HDAC9: variants seen among roughly 807,000 people sequenced by gnomAD.
HDAC9 encodes MEF-2 interacting transcription repressor (MITR) protein.
In HDAC9, 41 loss-of-function variants were observed where a neutral mutation model predicts 139.4. The ratio of observed to expected loss-of-function variants is 0.29; its 90% CI spans 0.23 to 0.38. The LOEUF is 0.38. Ranked by LOEUF, HDAC9 falls within the 10% of genes least tolerant of loss-of-function variation. The pLI is 1.00. For synonymous variants in HDAC9, 517 were observed against 476.2 expected, an observed-to-expected ratio of 1.09 and a Z score of -1.12; for missense variants, 1,147 against 1,297.0, an observed-to-expected ratio of 0.88 and a Z score of 1.78.
chr7:18,620,556 C>T (rs1202171368), intron 6 of HDAC9, among the ~76,000 whole-genome samples: 2 of 147,860 alleles, frequency 1.4e-5, no homozygotes, highest in African/African-American at 5.0e-5. Flanking sequence ...GAAAAAATAG[C>T]AAATTTGTAC....
intron 25 of HDAC9, among the ~76,000 whole-genome samples, chr7:18,986,596 A>T (rs1785377008): frequency 6.7e-6 from 1 of 149,224 alleles, no homozygotes; most frequent in Non-Finnish European, 1.5e-5. Context: ...ATTTTTTTCC[A>T]ATTCTGTGAA....
chr7:18,483,252 A>T (rs1434109542), intron 1 of HDAC9, among the ~76,000 whole-genome samples: 1 of 152,232 alleles, frequency 6.6e-6, no homozygotes, highest in Non-Finnish European at 1.5e-5. Context: ...TCTCAAGAAC[A>T]GGTAATGATT....
intron 1 of HDAC9, among the ~76,000 whole-genome samples, chr7:18,375,241 A>T: frequency 6.6e-6 from 1 of 152,184 alleles, no homozygotes; most frequent in East Asian, 1.9e-4. Flanking sequence ...AGGCTGAGGC[A>T]GGCGGATTAC....
At chr7:18,488,540 A>G (rs1010618926) in intron 1 of HDAC9, among the ~76,000 whole-genome samples, 1 of 151,978 alleles carries the variant, frequency 6.6e-6, no homozygotes, top group Non-Finnish European at 1.5e-5. Context: ...AAGCTGTAAT[A>G]TATTTCTTCT....
intron 22 of HDAC9, among the ~76,000 whole-genome samples, chr7:18,914,808 G>A (rs568704224): frequency 2.8e-4 from 43 of 152,070 alleles, no homozygotes; most frequent in Middle Eastern, 3.4e-3. Context: ...AATTTTGACC[G>A]TTAAAGATAT....
chr7:18,782,154 A>C (rs759913752), intron 16 of HDAC9, among the ~76,000 whole-genome samples: 1 of 152,096 alleles, frequency 6.6e-6, no homozygotes, highest in Admixed American at 6.6e-5. Context: ...GCAAGACCTT[A>C]CTAAACTGCT....
At chr7:18,411,196 A>T (rs1788511209) in intron 1 of HDAC9, among the ~76,000 whole-genome samples, 1 of 152,158 alleles carries the variant, frequency 6.6e-6, no homozygotes, top group South Asian at 2.1e-4. Flanking sequence ...CACAAGATTT[A>T]CTGGAGACCT....
Position 18,752,123 on chromosome 7 carries a change from G to A in HDAC9, c.2043+2985G>A, listed in dbSNP as rs547903808. Among the ~76,000 whole-genome samples the A allele has an allele frequency of 4.5e-4, 68 of 152,182 alleles. 2 individuals are homozygous for A. In the South Asian group the frequency reaches 0.012, roughly 27 times the overall value. On this transcript the variant is annotated intron_variant, in intron 14 of 25. Transcript: ENST00000686413. ...TCATGCCAAATTATTTTCGAATGCC[G>A]TGAAAAATACAACACAAATTTATCA... is the stretch of plus-strand genomic sequence containing the variant.
At chr7:18,983,038 A>G (rs1207278422) in intron 25 of HDAC9, among the ~76,000 whole-genome samples, 1 of 152,152 alleles carries the variant, frequency 6.6e-6, no homozygotes, top group Non-Finnish European at 1.5e-5. Context: ...ATTGTTGTGC[A>G]ACAGGTTTCT....
chr7:18,749,316 G>C (rs1418608658), intron 14 of HDAC9, among the ~76,000 whole-genome samples, 178 bp downstream of exon 14: 2 of 152,214 alleles, frequency 1.3e-5, no homozygotes, highest in Non-Finnish European at 2.9e-5. Flanking sequence ...GGGGCACACT[G>C]TAAGTACTTG....
intron 1 of HDAC9, among the ~76,000 whole-genome samples, chr7:18,405,016 A>C (rs1787880138): frequency 6.6e-6 from 1 of 152,204 alleles, no homozygotes. Flanking sequence ...CTATGTGGAC[A>C]CACCAATTCA....
intron 17 of HDAC9, among the ~76,000 whole-genome samples, chr7:18,817,770 A>C (rs114942680): frequency 1.3e-5 from 2 of 152,206 alleles, no homozygotes; most frequent in Non-Finnish European, 2.9e-5. Context: ...GTACTATCCC[A>C]GCATAGTCAT....
intron 1 of HDAC9, among the ~76,000 whole-genome samples, chr7:18,351,301 C>G (rs985486670): frequency 2.0e-5 from 3 of 151,888 alleles, no homozygotes; most frequent in African/African-American, 7.3e-5. Flanking sequence ...ATATTTTTCC[C>G]CTTAAAGATT....
At position 18,666,348 on chromosome 7, in the gene HDAC9, A is replaced by G; in HGVS notation, c.1603A>G (p.Ser535Gly). 6.2e-7 allele frequency: 1 copy of G among 1,613,422 alleles called. No individual in the cohort carries two copies. Among genetic ancestry groups the G allele is most frequent in the Middle Eastern group, 1.7e-4 (1 of 6,056 alleles). ...SSGNSTRSDS[S>G]ACVDDTLGQV... ...TGGCAACAGCACTAGGAGCGACAGCAGTGCTTGTGTGGATGACACACTGGG... is the reference window on the plus strand; with the variant it reads ...TGGCAACAGCACTAGGAGCGACAGCGGTGCTTGTGTGGATGACACACTGGG... Residue 535 changes from serine to glycine, a missense_variant, in exon 12 of 26, where the codon AGT (serine) becomes GGT (glycine). By Grantham distance (56) the Ser-to-Gly change is moderately conservative. Around this residue, in one of 7 missense-constraint regions of HDAC9, gnomAD observed 256 missense variants for 219.2 expected, o/e 1.17. Transcript: ENST00000686413.
intron 22 of HDAC9, among the ~76,000 whole-genome samples, chr7:18,887,936 C>T (rs1441320848): frequency 6.6e-6 from 1 of 152,118 alleles, no homozygotes; most frequent in African/African-American, 2.4e-5. Context: ...ATGCCAACAG[C>T]TCTTAGAATT....
intron 1 of HDAC9, among the ~76,000 whole-genome samples, chr7:18,383,443 A>G (rs1237647745): frequency 6.6e-6 from 1 of 152,220 alleles, no homozygotes; most frequent in Non-Finnish European, 1.5e-5. Context: ...GTTCAGGTAT[A>G]TGATAAAACT....
chr7:18,270,883 AAAAT>A (rs1180673846), intron 2 of HDAC9, among the ~76,000 whole-genome samples: 6 of 152,186 alleles, frequency 3.9e-5, no homozygotes, highest in African/African-American at 1.2e-4. Flanking sequence ...AATGAAAAGA[AAAAT>A]AAATAACAAG....
intron 2 of HDAC9, among the ~76,000 whole-genome samples, chr7:18,520,076 C>T (rs928425406): frequency 2.6e-5 from 4 of 151,518 alleles, no homozygotes; most frequent in Non-Finnish European, 4.4e-5. Context: ...AGTATTTTAA[C>T]CCAAAGAAAA....
chr7:18,206,431 G>A (rs1033753875), intron 2 of HDAC9, among the ~76,000 whole-genome samples: 6 of 152,134 alleles, frequency 3.9e-5, no homozygotes, highest in African/African-American at 1.4e-4. Flanking sequence ...AATTAGGTCA[G>A]GAGTAAGCAG....
Sources: allele counts gnomAD v4.1 joint callset (sites outside exome capture counted in the v4.1 genomes callset), GRCh38; gene constraint gnomAD v4.1.1; regional missense constraint gnomAD v4.1.1; transcripts MANE v1.5; gene names NCBI Gene and HGNC (gene_info 2026-07-23, HGNC 2026-07-21).